PYY: variants seen among roughly 807,000 people sequenced by gnomAD.
PYY encodes peptide YY, also known as peptide tyrosine tyrosine.
A neutral mutation model predicts 10.3 loss-of-function variants in PYY; 12 were observed. The observed-to-expected ratio is 1.17, with a 90% CI of 0.75 to 1.89. PYY has a LOEUF of 1.89. Among genes scored for constraint, PYY ranks in the 40% most tolerant of loss-of-function variants. PYY has a pLI of 0.00. For missense variants in PYY, 141 were observed against 134.0 expected, an observed-to-expected ratio of 1.05 and a Z score of -0.26; for synonymous variants, 66 against 62.0, an observed-to-expected ratio of 1.06 and a Z score of -0.30.
At chr17:43,978,304 AGGAAGGAAGGAAGGAAG>A (rs2048861798) in intron 1 of PYY, among the ~76,000 whole-genome samples, 1 of 108,182 alleles carries the variant, frequency 9.2e-6, no homozygotes, top group Non-Finnish European at 2.0e-5. Context: ...GAAGGATGGA[AGGAAGGAAGGAAGGAAG>A]GGAAGGGAAG....
At chr17:43,975,590 G>A (rs1217452372) in intron 1 of PYY, among the ~76,000 whole-genome samples, 3 of 151,188 alleles carry the variant, frequency 2.0e-5, no homozygotes, top group Non-Finnish European at 3.0e-5. Flanking sequence ...ATTGTAGCAC[G>A]TGCCTGTTGT....
intron 1 of PYY, among the ~76,000 whole-genome samples, chr17:43,982,017 T>G (rs2048886804): frequency 6.6e-6 from 1 of 152,208 alleles, no homozygotes; most frequent in Non-Finnish European, 1.5e-5. Flanking sequence ...CCATAAACAT[T>G]TTAAATCAGT....
intron 1 of PYY, among the ~76,000 whole-genome samples, chr17:43,968,767 G>A (rs2143914246): frequency 6.6e-6 from 1 of 152,166 alleles, no homozygotes; most frequent in East Asian, 1.9e-4. Context: ...AGCCAAGATT[G>A]TGCCACTGCA....
intron 1 of PYY, among the ~76,000 whole-genome samples, chr17:44,000,925 G>A (rs1171296363): frequency 6.6e-6 from 1 of 152,114 alleles, no homozygotes; most frequent in Non-Finnish European, 1.5e-5. Flanking sequence ...CCTGTATGGT[G>A]TACAGGGGCA....
At chr17:43,971,680 G>GT (rs35026725) in intron 1 of PYY, among the ~76,000 whole-genome samples, 36,782 of 143,484 alleles carry the variant, frequency 0.26, 7,248 homozygotes, top group East Asian at 0.69. Context: ...TGTTCATGTG[G>GT]TTTTTTTTTT....
In PYY at chr17:43,952,808, G is replaced by A. The variant is rs925803932; in HGVS notation, c.*148C>T. 3.1e-5 allele frequency: 25 copies of A among 818,814 alleles called. No homozygotes were observed. The African/African-American group carries it at 4.2e-4, about 14-fold the overall frequency. The allele number at this position is 818,814 out of a possible 1,614,324, so 50.7% of individuals were successfully genotyped here. ...ACACAGCCCTCCAGCCCAGGGGGCG[G>A]GGGCACCGAGACGCGGGCGGAGGGC... is the stretch of plus-strand genomic sequence containing the variant. On this transcript the variant is annotated 3_prime_UTR_variant, in exon 4 of 4. Transcript: ENST00000692052.
At chr17:43,990,794 GTTT>G (rs747130528) in intron 1 of PYY, among the ~76,000 whole-genome samples, 3 of 123,688 alleles carry the variant, frequency 2.4e-5, no homozygotes, top group South Asian at 2.7e-4. Flanking sequence ...ATTTAATGTT[GTTT>G]TTTTTTTTTT....
chr17:43,967,691 T>G (rs1197990167), intron 1 of PYY, among the ~76,000 whole-genome samples: 1 of 152,214 alleles, frequency 6.6e-6, no homozygotes, highest in Non-Finnish European at 1.5e-5. Flanking sequence ...TCCTGCTGAA[T>G]GCTGCTGTGA....
At chr17:43,999,481 C>T (rs1008449281) in intron 1 of PYY, among the ~76,000 whole-genome samples, 5 of 151,932 alleles carry the variant, frequency 3.3e-5, no homozygotes, top group East Asian at 3.9e-4. Flanking sequence ...CGGTCGCTCA[C>T]GCCTGTAATC....
intron 1 of PYY, among the ~76,000 whole-genome samples, chr17:43,972,016 G>A (rs896125975): frequency 2.0e-5 from 3 of 151,602 alleles, no homozygotes; most frequent in Non-Finnish European, 2.9e-5. Context: ...GCTAATTTTT[G>A]TATAAGGTAT....
intron 1 of PYY, among the ~76,000 whole-genome samples, chr17:43,999,872 A>G (rs1035205520): frequency 6.6e-6 from 1 of 152,022 alleles, no homozygotes; most frequent in Non-Finnish European, 1.5e-5. Context: ...GACTTCCTGG[A>G]GCAATGCTCA....
chr17:43,979,296 C>T (rs1316641784), intron 1 of PYY, among the ~76,000 whole-genome samples: 1 of 152,186 alleles, frequency 6.6e-6, no homozygotes, highest in Non-Finnish European at 1.5e-5. Context: ...ATTAAGCCCT[C>T]CAAGTGATTC....
At chr17:43,977,814 A>G (rs925977169) in intron 1 of PYY, among the ~76,000 whole-genome samples, 8 of 152,040 alleles carry the variant, frequency 5.3e-5, no homozygotes, top group Non-Finnish European at 7.4e-5. Context: ...TGAGATGGAG[A>G]TTTCCTCTAG....
chr17:44,000,364 G>A (rs1279776040), intron 1 of PYY, among the ~76,000 whole-genome samples: 1 of 152,118 alleles, frequency 6.6e-6, no homozygotes, highest in Non-Finnish European at 1.5e-5. Context: ...GGTTGGGCCT[G>A]GGTGTATCTG....
chr17:43,992,123 GAA>G (rs11396568), intron 1 of PYY, among the ~76,000 whole-genome samples: 2 of 120,494 alleles, frequency 1.7e-5, no homozygotes, highest in African/African-American at 3.2e-5. Flanking sequence ...CTGTCTCAAA[GAA>G]AAAAAAAAAA....
intron 1 of PYY, among the ~76,000 whole-genome samples, chr17:43,991,832 A>T (rs2048958651): frequency 6.6e-6 from 1 of 151,828 alleles, no homozygotes; most frequent in Non-Finnish European, 1.5e-5. Context: ...AAAAGAAAAA[A>T]AAAAAAGGCC....
intron 1 of PYY, among the ~76,000 whole-genome samples, chr17:43,977,273 A>G (rs570927636): frequency 6.6e-6 from 1 of 152,312 alleles, no homozygotes; most frequent in East Asian, 1.9e-4. Context: ...GCAGAAAGCC[A>G]TTAGCTGCGA....
chr17:43,996,781 G>A (rs1429214941), intron 1 of PYY, among the ~76,000 whole-genome samples: 1 of 151,830 alleles, frequency 6.6e-6, no homozygotes, highest in Non-Finnish European at 1.5e-5. Context: ...CCCACCTCCT[G>A]GGCTTAGGCC....
At chr17:43,978,035 C>CA (rs1290380905) in intron 1 of PYY, among the ~76,000 whole-genome samples, 21 of 150,654 alleles carry the variant, frequency 1.4e-4, no homozygotes, top group East Asian at 1.2e-3. Flanking sequence ...CCCGTTTCTA[C>CA]AAAAAAACAA....
Sources: gnomAD v4.1 joint callset for allele counts (sites outside exome capture counted in the v4.1 genomes callset) on GRCh38, gnomAD v4.1.1 for gene constraint, MANE v1.5 for transcripts, NCBI Gene and HGNC (gene_info 2026-07-23, HGNC 2026-07-21) for gene names.